ACACB: variants seen among roughly 807,000 people sequenced by gnomAD.
ACACB encodes the protein acetyl-CoA carboxylase 2.
In ACACB, 209 loss-of-function variants were observed where a neutral mutation model predicts 278.8. That is an observed-to-expected ratio of 0.75 (90% confidence interval 0.67 to 0.84). The LOEUF is 0.84. Ranked by LOEUF, ACACB falls within the 40% of genes least tolerant of loss-of-function variation. The pLI is 0.00. For synonymous variants in ACACB, 1,174 were observed against 1,285.6 expected, an observed-to-expected ratio of 0.91 and a Z score of 1.86; for missense variants, 2,850 against 3,269.0, an observed-to-expected ratio of 0.87 and a Z score of 3.13.
At chr12:109,175,797 AG>A in intron 7 of ACACB, 133 bp from the exon 8 acceptor site, 1 of 677,300 alleles carries the variant, frequency 1.5e-6, no homozygotes, top group Non-Finnish European at 2.6e-6. Flanking sequence ...GAGAAGCTGA[AG>A]GGAGTGTCTG....
intron 21 of ACACB, among the ~76,000 whole-genome samples, 166 bp from the exon 22 acceptor site, chr12:109,212,670 A>G (rs1391879912): frequency 6.6e-6 from 1 of 152,110 alleles, no homozygotes; most frequent in African/African-American, 2.4e-5. Flanking sequence ...AATACAGATG[A>G]AGCTTCGCTC....
chr12:109,266,305 T>G lies in ACACB; in HGVS notation c.7320T>G (p.Ala2440=). ...VIYLSQHISP[A]ERAQVVHLLS... ...ACCTGAGCCAGCACATCAGCCCAGC[T>G]GAGCGGGCGCAGGTCGTTCACCTGC... Residue 2440 remains alanine, a synonymous_variant, in exon 53 of 53, where the codon GCT becomes GCG. Transcript: ENST00000338432. The G allele has an allele frequency of 6.2e-7, 1 of 1,613,806 alleles. No individual in the cohort carries two copies. The highest frequency in any genetic ancestry group is 8.5e-7 in the Non-Finnish European group (1 of 1,179,994).
In ACACB at chr12:109,149,183, G is replaced by A. The variant is rs370568987; in HGVS notation, c.653+9125G>A. On this transcript the variant is annotated intron_variant, in intron 2 of 52. Transcript: ENST00000338432. ...TGTCACTGCCTAACCTTCCCCCAGC[G>A]GGTAAGAGGCTTGGACTCCAGGACG... Among the ~76,000 whole-genome samples the A allele has an allele frequency of 5.9e-5, 9 of 152,230 alleles. No homozygotes were observed. In the East Asian group the frequency reaches 7.7e-4, roughly 13 times the overall value.
chr12:109,168,134 G>A (rs2043983780), intron 4 of ACACB, 100 bp downstream of exon 4: 1 of 1,294,132 alleles, frequency 7.7e-7, no homozygotes, highest in East Asian at 2.5e-5. Context: ...ACTCCCGATG[G>A]TCAGGACCTC....
chr12:109,140,834 GTCTAGAGGGA>G (rs2043104425), intron 2 of ACACB, among the ~76,000 whole-genome samples: 1 of 149,974 alleles, frequency 6.7e-6, no homozygotes, highest in South Asian at 2.1e-4. Flanking sequence ...GATGATGGTA[GTCTAGAGGGA>G]GGGGCAGTTC....
intron 1 of ACACB, among the ~76,000 whole-genome samples, chr12:109,132,551 G>A (rs1284674347): frequency 1.3e-5 from 2 of 152,204 alleles, no homozygotes; most frequent in South Asian, 4.1e-4. Context: ...TGGCTTGTAT[G>A]TGTGGTTGCT....
At chr12:109,239,122 G>A (rs543006660) in intron 34 of ACACB, among the ~76,000 whole-genome samples, 32 of 150,650 alleles carry the variant, frequency 2.1e-4, no homozygotes, top group African/African-American at 7.1e-4. Context: ...TCACCATGTT[G>A]GCCAGGCTGG....
intron 44 of ACACB, among the ~76,000 whole-genome samples, chr12:109,255,580 C>A (rs1372176362): frequency 6.6e-6 from 1 of 152,220 alleles, no homozygotes; most frequent in East Asian, 1.9e-4. Context: ...ACTCTGGCTG[C>A]CCCCTCCTGG....
intron 2 of ACACB, among the ~76,000 whole-genome samples, chr12:109,156,587 GTTTT>G (rs10616119): frequency 3.1e-4 from 41 of 131,668 alleles, no homozygotes; most frequent in African/African-American, 9.4e-4. Context: ...GTTTCTCTCT[GTTTT>G]TTTTTTTTTT....
In ACACB at chr12:109,252,033, C is replaced by T. The variant is rs1195095872; in HGVS notation, c.5791-13C>T. Reference sequence around the variant, plus strand: ...CCACTCTCCAGAATTCAGAGGGGGTCCTCTCTCCACAGGTGACCTGCCGAG... The same window carrying T: ...CCACTCTCCAGAATTCAGAGGGGGTTCTCTCTCCACAGGTGACCTGCCGAG... On this transcript the variant is annotated splice_polypyrimidine_tract_variant and intron_variant, in intron 41 of 52. Coordinates refer to ENST00000338432, the MANE Select transcript of ACACB (RefSeq NM_001093.4). 5.6e-6 allele frequency: 9 copies of T among 1,599,366 alleles called. No homozygotes were observed. The highest frequency in any genetic ancestry group is 7.7e-6 in the Non-Finnish European group (9 of 1,171,942).
chr12:109,258,956 G>A lies in ACACB; in HGVS notation c.6361-17G>A, dbSNP rs370150345. On this transcript the variant is annotated splice_polypyrimidine_tract_variant and intron_variant, in intron 46 of 52. Transcript: ENST00000338432. ...GGTTGTGCAGAGACATCTGATCCCC[G>A]CAGCTCTGTGTTCCAGATAATTCAG... 433 of 1,613,618 alleles carry A rather than the reference G, an allele frequency of 2.7e-4. 2 individuals are homozygous for A. In the South Asian group the frequency reaches 3.6e-3, roughly 14 times the overall value.
At chr12:109,249,918 G>A (rs1409388753) in intron 40 of ACACB, 66 bp from the exon 41 acceptor site, 142 of 1,540,438 alleles carry the variant, frequency 9.2e-5, no homozygotes, top group Non-Finnish European at 1.2e-4. Context: ...CCCTTCTTGG[G>A]AAATGCATCC....
intron 9 of ACACB, among the ~76,000 whole-genome samples, chr12:109,177,818 A>C (rs1409877376): frequency 6.6e-6 from 1 of 152,180 alleles, no homozygotes; most frequent in Non-Finnish European, 1.5e-5. Flanking sequence ...GGGGTCATAC[A>C]GATTTTAAAG....
intron 1 of ACACB, among the ~76,000 whole-genome samples, chr12:109,127,011 C>G (rs1296592303): frequency 1.3e-5 from 2 of 152,218 alleles, no homozygotes; most frequent in Non-Finnish European, 2.9e-5. Context: ...CTTTTGCTTA[C>G]TCTAGCAGTA....
At chr12:109,134,506 T>A (rs1397522338) in intron 1 of ACACB, among the ~76,000 whole-genome samples, 1 of 152,210 alleles carries the variant, frequency 6.6e-6, no homozygotes, top group Non-Finnish European at 1.5e-5. Context: ...CTGGCTGTTG[T>A]TAATTTCAAA....
intron 1 of ACACB, among the ~76,000 whole-genome samples, chr12:109,121,402 C>G (rs1157548949): frequency 2.0e-5 from 3 of 152,094 alleles, no homozygotes; most frequent in African/African-American, 7.2e-5. Flanking sequence ...AAATCTGTGC[C>G]CCTCTGGGTT....
Position 109,265,371 on chromosome 12 carries a change from C to T in ACACB, c.7114-18C>T. ...ACAGCTGGGTCCCTCTCTGAGGCAT[C>T]CTCTGCCCCCTCCCCAGGCCTACTT... On this transcript the variant is annotated intron_variant, in intron 51 of 52. Coordinates refer to ENST00000338432, the MANE Select transcript of ACACB (RefSeq NM_001093.4). The T allele has an allele frequency of 6.2e-7, 1 of 1,613,322 alleles. No homozygotes were observed. The highest frequency in any genetic ancestry group is 8.5e-7 in the Non-Finnish European group (1 of 1,179,698).
At chr12:109,171,088 A>G (rs2044100120) in intron 4 of ACACB, among the ~76,000 whole-genome samples, 1 of 142,242 alleles carries the variant, frequency 7.0e-6, no homozygotes, top group Non-Finnish European at 1.5e-5. Flanking sequence ...TCTTGGCCTC[A>G]AGTGATCCTC....
intron 37 of ACACB, among the ~76,000 whole-genome samples, chr12:109,244,922 G>A (rs999484880): frequency 6.6e-5 from 10 of 152,102 alleles, no homozygotes; most frequent in African/African-American, 1.2e-4. Context: ...ATTTGCTGCC[G>A]GGCGTGGTGG....
Sources: allele counts gnomAD v4.1 joint callset (sites outside exome capture counted in the v4.1 genomes callset), GRCh38; gene constraint gnomAD v4.1.1; transcripts MANE v1.5; gene names NCBI Gene and HGNC (gene_info 2026-07-23, HGNC 2026-07-21).